ASIP: variants seen among roughly 807,000 people sequenced by gnomAD.
The protein encoded by ASIP is agouti signaling protein, also known as agouti-signaling protein.
ASIP carries 11 observed loss-of-function variants against 10.3 expected under a neutral mutation model. The ratio of observed to expected loss-of-function variants is 1.07; its 90% CI spans 0.68 to 1.78. ASIP has a LOEUF of 1.78. ASIP is among the 40% of genes most tolerant of loss of function. The probability of loss-of-function intolerance (pLI) is 0.00; values close to 1 mark genes in which losing one functional copy is unlikely to be tolerated. For synonymous variants in ASIP, 70 were observed against 70.8 expected (o/e 0.99, Z 0.06); for missense variants, 180 against 169.2 (o/e 1.06, Z -0.35).
rs554253559 is a variant in ASIP at position 34,246,246 on chromosome 20, C to A, written c.-11+4757C>A. 3.9e-6 allele frequency: 6 copies of A among 1,531,840 alleles called. No individual in the cohort carries two copies. In the East Asian group the frequency reaches 1.2e-4, roughly 31 times the overall value. 94.9% of individuals were successfully genotyped at this position (1,531,840 alleles called of 1,614,324 possible). On this transcript the variant is annotated intron_variant, in intron 1 of 3. Transcript: ENST00000374954. ...TTTTTTTGTTTTATTTGGCCTCTTC[C>A]ACCTCTCTTCTGTTTTTTCTTCTCC...
chr20:34,220,289 G>C (rs1264540488), intron 1 of ASIP, among the ~76,000 whole-genome samples: 2 of 151,632 alleles, frequency 1.3e-5, no homozygotes, highest in African/African-American at 4.8e-5. Context: ...TTCAATACAA[G>C]AGATTAAGTT....
At chr20:34,209,784 T>C (rs2034961353) in intron 1 of ASIP, among the ~76,000 whole-genome samples, 1 of 152,082 alleles carries the variant, frequency 6.6e-6, no homozygotes, top group Non-Finnish European at 1.5e-5. Context: ...AGGTGTCCCT[T>C]GGCATGATAA....
upstream of ASIP, among the ~76,000 whole-genome samples, chr20:34,191,285 T>C (rs2034823076): frequency 6.6e-6 from 1 of 152,182 alleles, no homozygotes; most frequent in Non-Finnish European, 1.5e-5. Flanking sequence ...GGGGGGAAGA[T>C]GTCTCTTAGA....
intron 1 of ASIP, among the ~76,000 whole-genome samples, chr20:34,233,260 G>A (rs2035136635): frequency 6.8e-6 from 1 of 147,700 alleles, no homozygotes. Context: ...CCATTCTCCT[G>A]CCTCAGCCTC....
At chr20:34,262,960 C>T (rs2035721452) in intron 3 of ASIP, 67 bp downstream of exon 3, 1 of 1,567,954 alleles carries the variant, frequency 6.4e-7, no homozygotes, top group African/African-American at 1.4e-5. Flanking sequence ...AAGGAGGACC[C>T]CCAACCTCTG....
intron 1 of ASIP, among the ~76,000 whole-genome samples, chr20:34,196,363 C>T (rs983342076): frequency 1.3e-5 from 2 of 151,522 alleles, no homozygotes; most frequent in African/African-American, 2.4e-5. Context: ...TTAGTAGAGA[C>T]GGGGTTTCAC....
intron 1 of ASIP, among the ~76,000 whole-genome samples, chr20:34,202,136 T>C (rs1410379756): frequency 6.6e-6 from 1 of 152,180 alleles, no homozygotes; most frequent in Non-Finnish European, 1.5e-5. Flanking sequence ...AATTTTGTTT[T>C]ACCCAGTCTT....
chr20:34,222,053 T>G (rs1336697775), intron 1 of ASIP, among the ~76,000 whole-genome samples: 1 of 152,100 alleles, frequency 6.6e-6, no homozygotes, highest in Non-Finnish European at 1.5e-5. Flanking sequence ...GAGGCTGCAG[T>G]GAGCCATAAT....
At chr20:34,268,458 C>T (rs914190623) in intron 3 of ASIP, among the ~76,000 whole-genome samples, 1 of 152,148 alleles carries the variant, frequency 6.6e-6, no homozygotes, top group African/African-American at 2.4e-5. Context: ...TGGCTCACGC[C>T]TGTAATGTAA....
At chr20:34,186,880 C>G in the ASIP span, among the ~76,000 whole-genome samples, 1 of 152,094 alleles carries the variant, frequency 6.6e-6, no homozygotes, top group Non-Finnish European at 1.5e-5. Context: ...GTGGTGCGAT[C>G]TTGGCTCACT....
chr20:34,227,460 A>G (rs919129277), intron 1 of ASIP, among the ~76,000 whole-genome samples: 1 of 151,920 alleles, frequency 6.6e-6, no homozygotes, highest in Non-Finnish European at 1.5e-5. Flanking sequence ...GTGAAACCCC[A>G]TCTCTACTAA....
chr20:34,198,541 C>A (rs2034873238), intron 1 of ASIP, among the ~76,000 whole-genome samples: 1 of 152,096 alleles, frequency 6.6e-6, no homozygotes, highest in African/African-American at 2.4e-5. Context: ...GGCTGGAGTG[C>A]AGTGGTGTGA....
intron 1 of ASIP, among the ~76,000 whole-genome samples, chr20:34,205,244 T>C (rs2034926986): frequency 1.3e-5 from 2 of 152,334 alleles, no homozygotes; most frequent in South Asian, 4.1e-4. Context: ...GGAGTGAAGC[T>C]GCAGACCTTC....
rs2034889360 is a variant in ASIP, at chr20:34,200,969, T to TTCCTTCCTTCCTTCC, written c.-11+6210_-11+6211insCCTTCCTTCCTTCCT. Among the ~76,000 whole-genome samples the TTCCTTCCTTCCTTCC allele has an allele frequency of 9.6e-5, 7 of 72,968 alleles. No homozygotes were observed. The East Asian group carries it at 1.7e-3, about 17-fold the overall frequency. The allele number at this position is 72,968 out of a possible 152,430, so 47.9% of individuals were successfully genotyped here. A position where few individuals can be genotyped will look rare whatever the true frequency, so the allele number is the denominator to read the frequency against. On this transcript the variant is annotated intron_variant, in intron 1 of 3. Coordinates refer to the ASIP transcript ENST00000568305. Reference sequence around the variant, plus strand: ...TTGATTTTCTTTCTTTCTTTCTTTCTTTCCTTCCTTCCTTCCTTCCTTCCT... The same window carrying TTCCTTCCTTCCTTCC: ...TTGATTTTCTTTCTTTCTTTCTTTCTTCCTTCCTTCCTTCCTTCCTTCCTTCCTTCCTTCCTTCCT...
chr20:34,257,973 G>A (rs1311260223), intron 1 of ASIP, among the ~76,000 whole-genome samples: 1 of 152,008 alleles, frequency 6.6e-6, no homozygotes, highest in Non-Finnish European at 1.5e-5. Flanking sequence ...GTGAAACCTT[G>A]TCTCTACAAA....
chr20:34,251,135 G>T (rs1310988798), intron 1 of ASIP, among the ~76,000 whole-genome samples: 1 of 152,088 alleles, frequency 6.6e-6, no homozygotes, highest in Non-Finnish European at 1.5e-5. Context: ...CAATTGCAGT[G>T]GGCTTGTACA....
chr20:34,268,926 G>A (rs548682853), intron 3 of ASIP, 65 bp from the exon 4 acceptor site: 1 of 1,543,732 alleles, frequency 6.5e-7, no homozygotes, highest in Admixed American at 2.0e-5. Context: ...GGAGCTCCCA[G>A]GCAGAGGTGA....
chr20:34,248,011 G>A (rs1043257392), intron 1 of ASIP, among the ~76,000 whole-genome samples: 8 of 152,296 alleles, frequency 5.3e-5, no homozygotes, highest in African/African-American at 1.7e-4. Flanking sequence ...TTCGAGACCA[G>A]CCTGGCCAAC....
At chr20:34,240,195 T>C (rs911309560), upstream of ASIP, among the ~76,000 whole-genome samples, 20 of 152,128 alleles carry the variant, frequency 1.3e-4, no homozygotes, top group Admixed American at 1.2e-3. Flanking sequence ...CAAACTCTGA[T>C]TGGTGAGTGA....
Sources: gnomAD v4.1 joint callset for allele counts (sites outside exome capture counted in the v4.1 genomes callset) on GRCh38, gnomAD v4.1.1 for gene constraint, MANE v1.5 for transcripts, NCBI Gene and HGNC (gene_info 2026-07-23, HGNC 2026-07-21) for gene names.